Variants in SHLD1 observed in about 807,000 individuals in gnomAD.
SHLD1 encodes the protein RINN1-REV7-interacting novel NHEJ regulator 3.
In SHLD1, 3 loss-of-function variants were observed where a neutral mutation model predicts 5.5. The ratio of observed to expected loss-of-function variants is 0.54; its 90% confidence interval spans 0.25 to 1.40. The LOEUF (loss-of-function observed/expected upper bound fraction) is 1.40. Among genes scored for constraint, SHLD1 ranks in the 40% most tolerant of loss-of-function variants. SHLD1 has a pLI of 0.15. For synonymous variants in SHLD1, 92 were observed against 94.3 expected (o/e 0.98, Z 0.14); for missense variants, 210 against 244.4 (o/e 0.86, Z 0.94).
intron 2 of SHLD1, among the ~76,000 whole-genome samples, chr20:5,836,697 G>A (rs928356757): frequency 1.5e-5 from 2 of 134,104 alleles, no homozygotes; most frequent in Non-Finnish European, 3.0e-5. Flanking sequence ...GGCCAGTCAG[G>A]ACGTGGGAGG....
Position 5,864,364 on chromosome 20 carries a change from G to A in SHLD1, c.*901G>A, listed in dbSNP as rs1053817428. On this transcript the variant is annotated 3_prime_UTR_variant, in exon 3 of 3. Transcript: ENST00000303142. Reference sequence around the variant, plus strand: ...TGATGCCACGTGGCCTTGTCAAGTTGTGTTTGAAGAGAATAAATAATCCTT... The same window carrying A: ...TGATGCCACGTGGCCTTGTCAAGTTATGTTTGAAGAGAATAAATAATCCTT... 1.3e-5 allele frequency among the ~76,000 whole-genome samples: 2 copies of A among 152,246 alleles called. No individual in the cohort carries two copies. The highest frequency in any genetic ancestry group is 2.9e-5 in the Non-Finnish European group (2 of 68,042).
At chr20:5,759,535 A>G (rs1007447447) in intron 1 of SHLD1, among the ~76,000 whole-genome samples, 9 of 152,080 alleles carry the variant, frequency 5.9e-5, no homozygotes, top group Middle Eastern at 3.4e-3. Flanking sequence ...TGCTGGGATT[A>G]CGGTCTAAAA....
intron 2 of SHLD1, among the ~76,000 whole-genome samples, chr20:5,831,513 G>T (rs533315435): frequency 4.6e-5 from 7 of 152,248 alleles, no homozygotes; most frequent in African/African-American, 1.4e-4. Flanking sequence ...CAGGAGATAT[G>T]AAAGGCTGTG....
intron 1 of SHLD1, among the ~76,000 whole-genome samples, chr20:5,753,089 G>T (rs538296035): frequency 6.6e-6 from 1 of 152,062 alleles, no homozygotes; most frequent in South Asian, 2.1e-4. Context: ...ATGAGCCACC[G>T]CACCTGGCCG....
intron 2 of SHLD1, among the ~76,000 whole-genome samples, chr20:5,823,414 T>C (rs985618221): frequency 6.6e-5 from 10 of 151,620 alleles, no homozygotes; most frequent in African/African-American, 2.4e-4. Flanking sequence ...TGAGTCATAG[T>C]GCCTGGTCTA....
At chr20:5,858,908 G>A (rs915217477) in intron 2 of SHLD1, among the ~76,000 whole-genome samples, 3 of 152,176 alleles carry the variant, frequency 2.0e-5, no homozygotes, top group Non-Finnish European at 4.4e-5. Context: ...TTGGATGCAT[G>A]CAAAAGCATT....
At chr20:5,848,250 G>T (rs2087955335) in intron 2 of SHLD1, among the ~76,000 whole-genome samples, 1 of 152,182 alleles carries the variant, frequency 6.6e-6, no homozygotes, top group Admixed American at 6.5e-5. Context: ...TATCAAAAAT[G>T]GGCTGAGGGC....
At chr20:5,824,842 CA>C (rs2087648117) in intron 2 of SHLD1, among the ~76,000 whole-genome samples, 1 of 152,070 alleles carries the variant, frequency 6.6e-6, no homozygotes, top group South Asian at 2.1e-4. Context: ...GATTGTTTTT[CA>C]AATCTAAAGT....
intron 2 of SHLD1, 133 bp downstream of exon 2, chr20:5,773,176 T>TA: frequency 9.7e-7 from 1 of 1,033,040 alleles, no homozygotes; most frequent in Non-Finnish European, 1.5e-6. Context: ...AAAAACATCT[T>TA]ACCTAAGCAA....
chr20:5,809,052 A>G lies in SHLD1; in HGVS notation c.178+36009A>G, dbSNP rs559523326. Reference sequence around the variant, plus strand: ...GAGTTGTGGCACATACCTCATGAGAATGTACTTCCAGAGGTAGAACTAAAA... The same window carrying G: ...GAGTTGTGGCACATACCTCATGAGAGTGTACTTCCAGAGGTAGAACTAAAA... On this transcript the variant is annotated intron_variant, in intron 2 of 2. Transcript: ENST00000303142. 2.0e-5 allele frequency among the ~76,000 whole-genome samples: 3 copies of G among 152,236 alleles called. No individual in the cohort carries two copies. The East Asian group carries it at 5.8e-4, about 29-fold the overall frequency.
intron 2 of SHLD1, among the ~76,000 whole-genome samples, chr20:5,781,041 G>A (rs2086983086): frequency 1.3e-5 from 2 of 152,222 alleles, no homozygotes; most frequent in Non-Finnish European, 2.9e-5. Flanking sequence ...TCCAGTATGA[G>A]TATGTAAAGA....
chr20:5,788,975 A>C (rs1179256968), intron 2 of SHLD1, among the ~76,000 whole-genome samples: 1 of 152,038 alleles, frequency 6.6e-6, no homozygotes, highest in African/African-American at 2.4e-5. Flanking sequence ...TCTACTAAAA[A>C]TACAAAAAAT....
At chr20:5,862,878 A>T (rs996755527) in intron 2 of SHLD1, 146 bp from the exon 3 acceptor site, 30 of 715,632 alleles carry the variant, frequency 4.2e-5, no homozygotes, top group Non-Finnish European at 6.3e-5. Context: ...GTGAGAACAG[A>T]TTTTGAAATC....
intron 2 of SHLD1, among the ~76,000 whole-genome samples, chr20:5,805,931 G>A (rs1025437325): frequency 1.3e-5 from 2 of 152,148 alleles, no homozygotes; most frequent in African/African-American, 2.4e-5. Context: ...CAGGAGTGAC[G>A]GCTGGGTCTG....
At chr20:5,760,173 CAG>C (rs772721464) in intron 1 of SHLD1, among the ~76,000 whole-genome samples, 6 of 151,976 alleles carry the variant, frequency 3.9e-5, no homozygotes, top group Admixed American at 3.3e-4. Context: ...GAACAGAAAA[CAG>C]AGAAGGGATT....
chr20:5,755,599 G>A (rs541185727), intron 1 of SHLD1, among the ~76,000 whole-genome samples: 103 of 150,616 alleles, frequency 6.8e-4, no homozygotes, highest in African/African-American at 2.4e-3. Context: ...CACTCTTGTT[G>A]CCCAGGCTGG....
At chr20:5,791,785 C>T (rs1489001378) in intron 2 of SHLD1, among the ~76,000 whole-genome samples, 3 of 152,028 alleles carry the variant, frequency 2.0e-5, no homozygotes, top group African/African-American at 7.2e-5. Flanking sequence ...TCTCAAAACT[C>T]GACTCTCAAA....
chr20:5,814,279 C>T (rs1297270509), intron 2 of SHLD1, among the ~76,000 whole-genome samples: 1 of 152,048 alleles, frequency 6.6e-6, no homozygotes, highest in Non-Finnish European at 1.5e-5. Context: ...ATTATTACTG[C>T]TTTTCCTTTA....
intron 2 of SHLD1, among the ~76,000 whole-genome samples, chr20:5,828,452 T>C (rs1425804906): frequency 1.3e-5 from 2 of 152,126 alleles, no homozygotes; most frequent in Non-Finnish European, 1.5e-5. Context: ...TGAAGTTCCT[T>C]TCCATGCCCC....
Sources: allele counts gnomAD v4.1 joint callset (sites outside exome capture counted in the v4.1 genomes callset), GRCh38; gene constraint gnomAD v4.1.1; transcripts MANE v1.5; gene names NCBI Gene and HGNC (gene_info 2026-07-23, HGNC 2026-07-21).